The following PJA2 variants were observed in gnomAD, a reference collection of about 807,000 sequenced individuals.
The protein encoded by PJA2 is praja ring finger ubiquitin ligase 2.
A neutral mutation model predicts 69.3 loss-of-function variants in PJA2; 25 were observed. The observed-to-expected ratio is 0.36, with a 90% CI of 0.26 to 0.50. The LOEUF (loss-of-function observed/expected upper bound fraction) is 0.50, where lower values mean the gene tolerates loss of function less well. Among genes scored for constraint, PJA2 ranks in the 20% least tolerant of loss-of-function variants. The probability of loss-of-function intolerance (pLI) is 0.96; values close to 1 mark genes in which losing one functional copy is unlikely to be tolerated. For missense variants in PJA2, 809 were observed against 830.2 expected, an observed-to-expected ratio of 0.97 and a Z score of 0.31; for synonymous variants, 308 against 277.8, an observed-to-expected ratio of 1.11 and a Z score of -1.08.
intron 1 of PJA2, among the ~76,000 whole-genome samples, chr5:109,386,671 G>T (rs1747165959): frequency 6.6e-6 from 1 of 151,780 alleles, no homozygotes; most frequent in Admixed American, 6.6e-5. Flanking sequence ...TTTACTGGAA[G>T]ATCCTCAAAT....
At chr5:109,385,847 G>A (rs1747144685) in intron 1 of PJA2, among the ~76,000 whole-genome samples, 1 of 152,112 alleles carries the variant, frequency 6.6e-6, no homozygotes, top group Non-Finnish European at 1.5e-5. Context: ...GATATCGTGG[G>A]GATGACATCC....
chr5:109,396,402 T>C (rs1359388852), intron 1 of PJA2, among the ~76,000 whole-genome samples: 1 of 151,392 alleles, frequency 6.6e-6, no homozygotes, highest in African/African-American at 2.4e-5. Flanking sequence ...AATCATTACT[T>C]CTACTTAACA....
At chr5:109,377,972 C>A (rs75578773) in intron 4 of PJA2, among the ~76,000 whole-genome samples, 4,619 of 152,138 alleles carry the variant, frequency 0.03, 91 homozygotes, top group Middle Eastern at 0.048. Context: ...TAATAATAAT[C>A]ATTATCTGAA....
rs371627913 is a variant in PJA2 at position 109,402,270 on chromosome 5, A to G, written c.-88+7572T>C. Among the ~76,000 whole-genome samples, 81 of 152,294 alleles carry G rather than the reference A, an allele frequency of 5.3e-4. No homozygotes were observed. The South Asian group carries it at 0.017, about 31-fold the overall frequency. ...ATAGTCTAAACACTTCAATGTAAAAACAGATTTTTCAAGATGAATTAAAAA... is the reference window on the plus strand; with the variant it reads ...ATAGTCTAAACACTTCAATGTAAAAGCAGATTTTTCAAGATGAATTAAAAA... On this transcript the variant is annotated intron_variant, in intron 1 of 9. Coordinates refer to ENST00000361189, the MANE Select transcript of PJA2 (RefSeq NM_014819.5).
In PJA2 at chr5:109,394,035, TTC is replaced by T. The variant is rs1291917679; in HGVS notation, c.-87-10517_-87-10516del. On this transcript the variant is annotated intron_variant, in intron 1 of 9. Coordinates refer to ENST00000361189, the MANE Select transcript of PJA2 (RefSeq NM_014819.5). ...GAAGGATGTGCTAGTAACATTCTAATTCTCTTTTTTTTTTTTTTTTTTTTTTT... is the reference window on the plus strand; with the variant it reads ...GAAGGATGTGCTAGTAACATTCTAATTCTTTTTTTTTTTTTTTTTTTTTTT... Among the ~76,000 whole-genome samples, 265 of 138,726 alleles carry T rather than the reference TTC, an allele frequency of 1.9e-3. 2 individuals carry two copies. The highest frequency in any genetic ancestry group is 7.0e-3 in the African/African-American group (246 of 35,324). The allele number at this position is 138,726 out of a possible 152,430, so 91.0% of individuals were successfully genotyped here. A position where few individuals can be genotyped will look rare whatever the true frequency, so the allele number is the denominator to read the frequency against.
At chr5:109,405,811 A>G (rs906485061) in intron 1 of PJA2, among the ~76,000 whole-genome samples, 2 of 152,214 alleles carry the variant, frequency 1.3e-5, no homozygotes, top group African/African-American at 4.8e-5. Flanking sequence ...GTAAATCTGC[A>G]CAACTTTGCA....
chr5:109,376,636 A>G (rs765424151), intron 4 of PJA2, among the ~76,000 whole-genome samples: 10 of 151,898 alleles, frequency 6.6e-5, no homozygotes, highest in Non-Finnish European at 1.0e-4. Flanking sequence ...TAACTGGGGG[A>G]AAAAAAATAC....
At chr5:109,358,051 C>G (rs1762443631) in intron 6 of PJA2, among the ~76,000 whole-genome samples, 4 of 152,194 alleles carry the variant, frequency 2.6e-5, no homozygotes, top group Admixed American at 1.3e-4. Flanking sequence ...CTGTTGGGAA[C>G]AGGCCCTCCC....
In PJA2 at chr5:109,363,041, A is replaced by T; in HGVS notation, c.1470-19T>A. On this transcript the variant is annotated intron_variant, in intron 5 of 9. Transcript: ENST00000361189. ...CTGTTCCCTAGTACAAACATTTTAA[A>T]GGAAGAAAAAAATATTATTTTAAAA... The T allele has an allele frequency of 6.5e-7, 1 of 1,542,864 alleles. No individual in the cohort carries two copies. The highest frequency in any genetic ancestry group is 8.8e-7 in the Non-Finnish European group (1 of 1,135,326).
At chr5:109,351,205 A>G (rs949489355) in intron 7 of PJA2, among the ~76,000 whole-genome samples, 8 of 152,118 alleles carry the variant, frequency 5.3e-5, no homozygotes, top group African/African-American at 1.9e-4. Context: ...ATTCAGTGAC[A>G]ATGCCATAAT....
rs1278798149 is a variant in PJA2 at position 109,354,423 on chromosome 5, TATG to T, written c.1764+1489_1764+1491del. Reference sequence around the variant, plus strand: ...TAGAGATATCTATAGATTAGATATCTATGATATCTAGAGATGTCTATAGATTAG... The same window carrying T: ...TAGAGATATCTATAGATTAGATATCTATATCTAGAGATGTCTATAGATTAG... On this transcript the variant is annotated intron_variant, in intron 7 of 9. Transcript: ENST00000361189. Among the ~76,000 whole-genome samples, 21 of 142,926 alleles carry T rather than the reference TATG, an allele frequency of 1.5e-4. 1 individual carries two copies. The highest frequency in any genetic ancestry group is 6.7e-4 in the South Asian group (3 of 4,460). The allele number at this position is 142,926 out of a possible 152,430, so 93.8% of individuals were successfully genotyped here.
At chr5:109,387,715 A>G (rs1397767923) in intron 1 of PJA2, among the ~76,000 whole-genome samples, 1 of 152,240 alleles carries the variant, frequency 6.6e-6, no homozygotes, top group Non-Finnish European at 1.5e-5. Context: ...CAACCAGGAT[A>G]TTATGCCAAC....
At chr5:109,406,342 C>A (rs140954884) in intron 1 of PJA2, among the ~76,000 whole-genome samples, 3 of 152,204 alleles carry the variant, frequency 2.0e-5, no homozygotes, top group African/African-American at 4.8e-5. Flanking sequence ...GCCAGGCCCA[C>A]CCATTGTTGT....
intron 4 of PJA2, among the ~76,000 whole-genome samples, chr5:109,377,961 A>T (rs1746930851): frequency 6.6e-6 from 1 of 152,026 alleles, no homozygotes; most frequent in African/African-American, 2.4e-5. Context: ...CTATCCCTTT[A>T]TAATAATAAT....
At chr5:109,384,674 A>G (rs1747120285) in intron 1 of PJA2, among the ~76,000 whole-genome samples, 1 of 152,206 alleles carries the variant, frequency 6.6e-6, no homozygotes, top group Non-Finnish European at 1.5e-5. Context: ...TCACCCATAT[A>G]ATTTATAAAT....
intron 5 of PJA2, 87 bp from the exon 6 acceptor site, chr5:109,363,109 TTC>T: frequency 9.1e-7 from 1 of 1,095,418 alleles, no homozygotes. Flanking sequence ...TGCAAGTGGA[TTC>T]TGTTGAGTTC....
chr5:109,363,826 T>G (rs1762536941), intron 5 of PJA2, among the ~76,000 whole-genome samples: 1 of 151,538 alleles, frequency 6.6e-6, no homozygotes, highest in African/African-American at 2.4e-5. Flanking sequence ...AAGGAGGAGA[T>G]AAAGGAAGCA....
At chr5:109,381,381 C>A (rs916117936) in intron 3 of PJA2, 122 bp downstream of exon 3, 4 of 659,868 alleles carry the variant, frequency 6.1e-6, no homozygotes, top group East Asian at 2.8e-5. Flanking sequence ...AATAGAATTT[C>A]TTGATAGGAA....
In PJA2 at chr5:109,363,011, G is replaced by C. The variant is rs149837114; in HGVS notation, c.1481C>G (p.Ser494Cys). ...ELSLQEGEQT[S>C]LEEGEIPWLQ... ...CCAAGGAATTTCTCCCTCTTCCAAGGATGTCTGTTCCCTAGTACAAACATT... is the reference window on the plus strand; with the variant it reads ...CCAAGGAATTTCTCCCTCTTCCAAGCATGTCTGTTCCCTAGTACAAACATT... Residue 494 changes from serine to cysteine, a missense_variant, in exon 6 of 10, where the codon TCC (serine) becomes TGC (cysteine). Ser to Cys is a moderately radical substitution (Grantham distance 112). Coordinates refer to ENST00000361189, the MANE Select transcript of PJA2 (RefSeq NM_014819.5). 6.3e-7 allele frequency: 1 copy of C among 1,596,228 alleles called. No homozygotes were observed. Among genetic ancestry groups the C allele is most frequent in the South Asian group, 1.1e-5 (1 of 88,816 alleles).
Sources: gnomAD v4.1 joint callset for allele counts (sites outside exome capture counted in the v4.1 genomes callset) on GRCh38, gnomAD v4.1.1 for gene constraint, MANE v1.5 for transcripts, NCBI Gene and HGNC (gene_info 2026-07-23, HGNC 2026-07-21) for gene names.